The following ZNF385D variants were observed in gnomAD, a reference collection of about 807,000 sequenced individuals.
ZNF385D encodes zinc finger protein 385D, also known as zinc finger protein 659.
Under a neutral mutation model 35.8 loss-of-function variants are expected in ZNF385D, and 15 were observed. That is an observed-to-expected ratio of 0.42 (90% confidence interval 0.28 to 0.64). The LOEUF (loss-of-function observed/expected upper bound fraction) is 0.64. ZNF385D is among the 30% of genes least tolerant of loss of function. The probability of loss-of-function intolerance (pLI) is 0.23; values close to 1 mark genes in which losing one functional copy is unlikely to be tolerated. For missense variants in ZNF385D, 474 were observed against 494.6 expected, an observed-to-expected ratio of 0.96 and a Z score of 0.39; for synonymous variants, 212 against 186.8, an observed-to-expected ratio of 1.13 and a Z score of -1.10.
At chr3:22,010,330 C>A (rs1406983192) in intron 3 of ZNF385D, among the ~76,000 whole-genome samples, 1 of 152,116 alleles carries the variant, frequency 6.6e-6, no homozygotes, top group Non-Finnish European at 1.5e-5. Flanking sequence ...TGGGGCAAAT[C>A]AAAATTCACA....
chr3:21,952,118 T>C (rs1459393898), intron 3 of ZNF385D, among the ~76,000 whole-genome samples: 1 of 148,702 alleles, frequency 6.7e-6, no homozygotes, highest in Non-Finnish European at 1.5e-5. Context: ...GAATGTTGCC[T>C]TCAATTGTTA....
At chr3:21,959,105 C>T (rs1199494095) in intron 3 of ZNF385D, among the ~76,000 whole-genome samples, 2 of 152,126 alleles carry the variant, frequency 1.3e-5, no homozygotes. Flanking sequence ...AATACAGTTA[C>T]ATAAATGTCA....
chr3:22,363,940 C>A (rs977921147), intron 2 of ZNF385D, among the ~76,000 whole-genome samples: 1 of 152,120 alleles, frequency 6.6e-6, no homozygotes, highest in Admixed American at 6.6e-5. Flanking sequence ...CTTACCTTCT[C>A]CCTCAACATT....
intron 3 of ZNF385D, among the ~76,000 whole-genome samples, chr3:21,973,774 T>G (rs776711623): frequency 6.6e-6 from 1 of 151,936 alleles, no homozygotes; most frequent in Admixed American, 6.6e-5. Flanking sequence ...CATTTCTATA[T>G]GACAACACCA....
At chr3:22,353,372 G>A (rs1243737583) in intron 2 of ZNF385D, among the ~76,000 whole-genome samples, 1 of 152,156 alleles carries the variant, frequency 6.6e-6, no homozygotes, top group Non-Finnish European at 1.5e-5. Context: ...TGTCATCCAG[G>A]TCAGTGGTTC....
At chr3:21,593,656 A>G (rs1180066052) in intron 2 of ZNF385D, among the ~76,000 whole-genome samples, 7 of 152,246 alleles carry the variant, frequency 4.6e-5, no homozygotes, top group Middle Eastern at 3.4e-3. Context: ...AATGCATTTT[A>G]AAAACATGAA....
chr3:21,822,228 C>G (rs766641475), intron 3 of ZNF385D, among the ~76,000 whole-genome samples: 154 of 151,984 alleles, frequency 1.0e-3, no homozygotes, highest in Non-Finnish European at 1.7e-3. Context: ...GCCACCACCA[C>G]GCCTGGCTAA....
intron 3 of ZNF385D, among the ~76,000 whole-genome samples, chr3:21,534,543 C>T (rs899106571): frequency 6.6e-6 from 1 of 152,208 alleles, no homozygotes; most frequent in East Asian, 1.9e-4. Flanking sequence ...AGTGCTTTTA[C>T]CCATGCTGCT....
At chr3:22,210,004 ATAG>A (rs1240382718) in intron 2 of ZNF385D, among the ~76,000 whole-genome samples, 1 of 151,800 alleles carries the variant, frequency 6.6e-6, no homozygotes, top group Non-Finnish European at 1.5e-5. Context: ...TATTTAATTA[ATAG>A]TATTATATTC....
rs142514037 is a variant in ZNF385D at position 22,126,335 on chromosome 3, T to A, written c.325+42482A>T. Among the ~76,000 whole-genome samples the A allele has an allele frequency of 6.5e-3, 988 of 150,938 alleles. 9 individuals carry two copies. Among genetic ancestry groups the A allele is most frequent in the African/African-American group, 0.023 (945 of 40,988 alleles). On this transcript the variant is annotated intron_variant, in intron 3 of 5. Coordinates refer to the ZNF385D transcript ENST00000494108. ...GTTTTTTTTTTTTTTTTTTTTCACT[T>A]TTTTGGTGTAGGCACTTGTTGCTAT...
At chr3:22,354,045 G>A (rs1696038675) in intron 2 of ZNF385D, among the ~76,000 whole-genome samples, 1 of 151,392 alleles carries the variant, frequency 6.6e-6, no homozygotes, top group African/African-American at 2.4e-5. Context: ...CTTTTTTTTG[G>A]TTGGCCAGAC....
chr3:21,950,465 G>A (rs989652421), intron 3 of ZNF385D, among the ~76,000 whole-genome samples: 1 of 151,658 alleles, frequency 6.6e-6, no homozygotes, highest in African/African-American at 2.4e-5. Context: ...TTTGTCAGAG[G>A]CACAGATTGC....
chr3:22,327,493 G>A (rs1297148457), intron 2 of ZNF385D, among the ~76,000 whole-genome samples: 2 of 152,118 alleles, frequency 1.3e-5, no homozygotes, highest in Non-Finnish European at 2.9e-5. Flanking sequence ...ATTAATGAAA[G>A]TTATACCCAT....
chr3:21,713,036 T>A (rs1179689390), intron 1 of ZNF385D, among the ~76,000 whole-genome samples: 1 of 152,196 alleles, frequency 6.6e-6, no homozygotes, highest in Non-Finnish European at 1.5e-5. Context: ...TTTCTTTCAC[T>A]TGCCCACTAT....
At chr3:21,456,881 C>G (rs551634694) in intron 4 of ZNF385D, among the ~76,000 whole-genome samples, 1 of 152,256 alleles carries the variant, frequency 6.6e-6, no homozygotes, top group Non-Finnish European at 1.5e-5. Context: ...CACCATCACT[C>G]TGGATAAAAT....
chr3:21,595,489 AATAT>A (rs567404413), intron 2 of ZNF385D, among the ~76,000 whole-genome samples: 2 of 143,624 alleles, frequency 1.4e-5, no homozygotes, highest in Admixed American at 6.8e-5. Context: ...ATGTTTATGT[AATAT>A]ATATGTATGT....
At chr3:21,440,972 T>C (rs1161979730) in intron 4 of ZNF385D, among the ~76,000 whole-genome samples, 1 of 152,136 alleles carries the variant, frequency 6.6e-6, no homozygotes, top group African/African-American at 2.4e-5. Flanking sequence ...TGTATTATCT[T>C]ACCTGCAGTT....
intron 3 of ZNF385D, among the ~76,000 whole-genome samples, chr3:22,129,215 C>T (rs972726325): frequency 6.6e-6 from 1 of 152,092 alleles, no homozygotes; most frequent in Non-Finnish European, 1.5e-5. Flanking sequence ...TGCTGAGCTA[C>T]CTAGAGCTGG....
chr3:22,187,701 T>A lies in ZNF385D; in HGVS notation c.107-18666A>T, dbSNP rs114906834. Among the ~76,000 whole-genome samples the A allele has an allele frequency of 9.5e-3, 1,451 of 152,260 alleles. 15 individuals are homozygous for A. Among genetic ancestry groups the A allele is most frequent in the Non-Finnish European group, 0.016 (1,097 of 68,026 alleles). On this transcript the variant is annotated intron_variant, in intron 2 of 5. Transcript: ENST00000494108. ...TATATTTAATTAAAATTAGGAAATATTATTTTAACATTGGTTTATAACTTG... is the reference window on the plus strand; with the variant it reads ...TATATTTAATTAAAATTAGGAAATAATATTTTAACATTGGTTTATAACTTG...
Sources: gnomAD v4.1 joint callset for allele counts (sites outside exome capture counted in the v4.1 genomes callset) on GRCh38, gnomAD v4.1.1 for gene constraint, MANE v1.5 for transcripts, NCBI Gene and HGNC (gene_info 2026-07-23, HGNC 2026-07-21) for gene names.